Variants in PKD1L3 observed in about 807,000 individuals in gnomAD.
The protein encoded by PKD1L3 is polycystin 1 like 3, transient receptor potential channel interacting, also known as polycystin-1-like protein 3.
Under a neutral mutation model 184.1 loss-of-function variants are expected in PKD1L3, and 239 were observed. The observed-to-expected ratio is 1.30, with a 90% CI of 1.17 to 1.45. The LOEUF (loss-of-function observed/expected upper bound fraction) is 1.45, where lower values mean the gene tolerates loss of function less well. Ranked by LOEUF, PKD1L3 falls within the 40% of genes most tolerant of loss-of-function variation. The pLI is 0.00. For synonymous variants in PKD1L3, 996 were observed against 778.8 expected, an observed-to-expected ratio of 1.28 and a Z score of -4.64; for missense variants, 2,660 against 2,067.2, an observed-to-expected ratio of 1.29 and a Z score of -5.56.
chr16:71,972,891 G>GACACC (rs2039772312), intron 12 of PKD1L3, among the ~76,000 whole-genome samples: 1 of 152,126 alleles, frequency 6.6e-6, no homozygotes, highest in Admixed American at 6.6e-5. Flanking sequence ...CAGGAACAAG[G>GACACC]TGATAATTAC....
chr16:71,958,452 A>G lies in PKD1L3; in HGVS notation c.2613-4151T>C, dbSNP rs1268523919. On this transcript the variant is annotated intron_variant, in intron 16 of 29. Transcript: ENST00000620267. ...TAGAACTATTAAAAGAGCTACTTCA[A>G]CAAGGAGAAAAAAGCCCAGAGTAAT... 2.0e-5 allele frequency among the ~76,000 whole-genome samples: 3 copies of G among 151,844 alleles called. No individual in the cohort carries two copies. The East Asian group carries it at 5.8e-4, about 29-fold the overall frequency.
At chr16:71,983,659 C>CTCTTTTT (rs2040244134) in intron 6 of PKD1L3, among the ~76,000 whole-genome samples, 4 of 92,394 alleles carry the variant, frequency 4.3e-5, no homozygotes, top group African/African-American at 1.6e-4. Context: ...TCCAGATTCT[C>CTCTTTTT]TTTCTTTTTT....
chr16:71,998,149 GC>G (rs2040855966), intron 2 of PKD1L3, 122 bp downstream of exon 2: 3 of 1,308,210 alleles, frequency 2.3e-6, no homozygotes, highest in Admixed American at 2.5e-5. Flanking sequence ...AAAATCAAAA[GC>G]CCTGTATCAT....
At chr16:71,950,934 G>A (rs1180114034) in intron 19 of PKD1L3, among the ~76,000 whole-genome samples, 2 of 151,428 alleles carry the variant, frequency 1.3e-5, no homozygotes, top group Admixed American at 6.6e-5. Flanking sequence ...GTAGAGACAG[G>A]GTTTTGTCAC....
intron 28 of PKD1L3, chr16:71,930,423 G>C (rs1459713352): frequency 2.9e-6 from 1 of 340,318 alleles, no homozygotes; most frequent in Non-Finnish European, 5.3e-6. Flanking sequence ...GAAAACAGGT[G>C]AGTTGCAGTG....
intron 15 of PKD1L3, among the ~76,000 whole-genome samples, chr16:71,964,753 G>C (rs961850143): frequency 6.6e-6 from 1 of 151,824 alleles, no homozygotes; most frequent in Non-Finnish European, 1.5e-5. Context: ...GGCCTTAGGA[G>C]AACAATGATC....
intron 24 of PKD1L3, among the ~76,000 whole-genome samples, chr16:71,939,526 T>C (rs1002413096): frequency 1.3e-5 from 2 of 152,208 alleles, no homozygotes; most frequent in Non-Finnish European, 2.9e-5. Context: ...GGAATTTCTA[T>C]TTCACCTAGC....
At chr16:71,981,859 G>T (rs1367335070) in intron 7 of PKD1L3, among the ~76,000 whole-genome samples, 200 bp downstream of exon 7, 2 of 152,018 alleles carry the variant, frequency 1.3e-5, no homozygotes, top group Non-Finnish European at 2.9e-5. Context: ...CTTTTCACTT[G>T]ATTACAGCAC....
rs1366169112 is a variant in PKD1L3 at position 71,970,057 on chromosome 16, G to C, written c.2002C>G (p.Leu668Val). Residue 668 changes from leucine (L) to valine (V), a missense_variant, in exon 13 of 30, where the codon CTG (leucine) becomes GTG (valine). Coordinates refer to ENST00000620267, the MANE Select transcript of PKD1L3 (RefSeq NM_181536.2). ...AAGAAGTCGCTGGCAAAGAAGGTCA[G>C]GTGGTTACAGAGACACTGTGTCCTC... ...ILRTQCLCNHLTFFASDFFVV... is the reference protein window; with the variant it reads ...ILRTQCLCNHVTFFASDFFVV... The C allele has an allele frequency of 6.4e-7, 1 of 1,551,682 alleles. No individual in the cohort carries two copies. Among genetic ancestry groups the C allele is most frequent in the Non-Finnish European group, 8.7e-7 (1 of 1,146,994 alleles).
intron 4 of PKD1L3, among the ~76,000 whole-genome samples, chr16:71,989,807 G>A (rs2040518133): frequency 6.6e-6 from 1 of 152,172 alleles, no homozygotes; most frequent in African/African-American, 2.4e-5. Flanking sequence ...GGAGGTGGTG[G>A]CTCACACGTG....
chr16:71,940,842 C>CT (rs60783588), intron 24 of PKD1L3, among the ~76,000 whole-genome samples: 20 of 149,320 alleles, frequency 1.3e-4, no homozygotes, highest in Non-Finnish European at 2.2e-4. Flanking sequence ...TTTTTATTGC[C>CT]TTTTTTTTTT....
chr16:71,938,239 C>T (rs1315818035), intron 24 of PKD1L3, among the ~76,000 whole-genome samples: 1 of 152,246 alleles, frequency 6.6e-6, no homozygotes, highest in African/African-American at 2.4e-5. Flanking sequence ...AAGTTTTGGC[C>T]AAGCCTGGGT....
chr16:71,986,911 A>C (rs146121529), intron 4 of PKD1L3, among the ~76,000 whole-genome samples: 21 of 120,242 alleles, frequency 1.7e-4, no homozygotes, highest in Non-Finnish European at 3.0e-4. Context: ...TGGTAAGGAG[A>C]GGATTTTTTT....
At chr16:71,985,654 CAA>C (rs1431299213) in intron 5 of PKD1L3, among the ~76,000 whole-genome samples, 2 of 152,276 alleles carry the variant, frequency 1.3e-5, no homozygotes, top group South Asian at 2.1e-4. Context: ...AAGCTGGTCT[CAA>C]ACTCGGGCTT....
Position 71,982,108 on chromosome 16 carries a change from G to C in PKD1L3, c.1094C>G (p.Thr365Ser), listed in dbSNP as rs778378343. 9.2e-5 allele frequency: 143 copies of C among 1,551,350 alleles called. No homozygotes were observed. Among genetic ancestry groups the C allele is most frequent in the Non-Finnish European group, 1.1e-4 (131 of 1,146,954 alleles). Residue 365 changes from threonine (T) to serine (S), a missense_variant, in exon 7 of 30, where the codon ACC becomes AGC. By Grantham distance (58) the Thr-to-Ser change is moderately conservative. Transcript: ENST00000620267. ...CAGCCAACTTCCTTCTCCAGCTTTG[G>C]TGACATTGTTGAGGGAATGAAAGGG... Reference protein sequence around the residue: ...VCPFHSLNNVTKAGEGSWLES... With the variant: ...VCPFHSLNNVSKAGEGSWLES...
rs1567498766 is a variant in PKD1L3, at chr16:71,945,392, A to ATT, written c.3719-1223_3719-1222insAA. The stretch of plus-strand genomic sequence containing the variant: ...CACACACGCACACACACATATATAT[A>ATT]TATATATTTATTTATTTATTTATTT... On this transcript the variant is annotated intron_variant, in intron 22 of 29. Transcript: ENST00000620267. 5.7e-3 allele frequency among the ~76,000 whole-genome samples: 338 copies of ATT among 59,158 alleles called. 6 individuals are homozygous for ATT. Among genetic ancestry groups the ATT allele is most frequent in the Middle Eastern group, 0.02 (2 of 100 alleles). 38.8% of individuals were successfully genotyped at this position (59,158 alleles called of 152,430 possible).
intron 15 of PKD1L3, among the ~76,000 whole-genome samples, chr16:71,965,399 G>C (rs930105906): frequency 1.3e-5 from 2 of 152,126 alleles, no homozygotes; most frequent in African/African-American, 4.8e-5. Flanking sequence ...AAATACCTAT[G>C]AGTGTGATTT....
intron 3 of PKD1L3, among the ~76,000 whole-genome samples, chr16:71,991,995 G>A (rs2040607572): frequency 6.6e-6 from 1 of 152,050 alleles, no homozygotes; most frequent in Non-Finnish European, 1.5e-5. Flanking sequence ...ATTTTTAAAA[G>A]TTTTTTGTAG....
At position 71,931,876 on chromosome 16, in the gene PKD1L3, G is replaced by T. The variant is rs185550157; in HGVS notation, c.4926+1544C>A. 1.5e-3 allele frequency among the ~76,000 whole-genome samples: 225 copies of T among 152,210 alleles called. 1 individual carries two copies. The highest frequency in any genetic ancestry group is 0.01 in the Middle Eastern group (3 of 294). ...TAGTACTTTATAGTGGAACTGCTAC[G>T]TAAAATAGTTGTTACACCGGTTTGT... On this transcript the variant is annotated intron_variant, in intron 28 of 29. Coordinates refer to ENST00000620267, the MANE Select transcript of PKD1L3 (RefSeq NM_181536.2).
Sources: allele counts gnomAD v4.1 joint callset (sites outside exome capture counted in the v4.1 genomes callset), GRCh38; gene constraint gnomAD v4.1.1; transcripts MANE v1.5; gene names NCBI Gene and HGNC (gene_info 2026-07-23, HGNC 2026-07-21).